Variants in SPAG16 observed in about 807,000 individuals in gnomAD.
SPAG16 encodes sperm associated antigen 16.
Under a neutral mutation model 80.4 loss-of-function variants are expected in SPAG16, and 86 were observed. The observed-to-expected ratio is 1.07, with a 90% CI of 0.90 to 1.28. SPAG16 has a LOEUF of 1.28. SPAG16 is among the 50% of genes most tolerant of loss of function. SPAG16 has a pLI of 0.00. For synonymous variants in SPAG16, 294 were observed against 265.9 expected, an observed-to-expected ratio of 1.11 and a Z score of -1.03; for missense variants, 870 against 765.3, an observed-to-expected ratio of 1.14 and a Z score of -1.61.
chr2:213,720,740 TC>T (rs2066490386), intron 10 of SPAG16, among the ~76,000 whole-genome samples: 2 of 120,684 alleles, frequency 1.7e-5, no homozygotes, highest in Non-Finnish European at 1.6e-5. Context: ...CCGAAGTAAG[TC>T]CTTTTTTTTT....
intron 15 of SPAG16, among the ~76,000 whole-genome samples, chr2:214,160,136 G>A (rs1045221876): frequency 2.0e-5 from 3 of 151,902 alleles, no homozygotes; most frequent in Non-Finnish European, 4.4e-5. Context: ...TGTGTCATCT[G>A]AGTGCTGTTT....
At chr2:214,117,281 TG>T (rs2053978614) in intron 14 of SPAG16, among the ~76,000 whole-genome samples, 1 of 152,008 alleles carries the variant, frequency 6.6e-6, no homozygotes, top group Non-Finnish European at 1.5e-5. Context: ...TTAGTAAGCT[TG>T]GTGACAGGCT....
intron 15 of SPAG16, among the ~76,000 whole-genome samples, chr2:214,235,288 TTAATA>T (rs1348851993): frequency 6.6e-6 from 1 of 152,172 alleles, no homozygotes; most frequent in African/African-American, 2.4e-5. Context: ...CCAAACTTAC[TTAATA>T]TGAGTCCATT....
chr2:214,061,739 A>G (rs2050265144), intron 13 of SPAG16, among the ~76,000 whole-genome samples: 1 of 152,180 alleles, frequency 6.6e-6, no homozygotes, highest in Non-Finnish European at 1.5e-5. Flanking sequence ...AAGTTGACAC[A>G]TAAAATTAAT....
chr2:214,308,084 A>G (rs1451903807), intron 15 of SPAG16, among the ~76,000 whole-genome samples: 2 of 144,614 alleles, frequency 1.4e-5, no homozygotes, highest in Admixed American at 7.1e-5. Flanking sequence ...TGTTGGGTGC[A>G]TATATATTTA....
At chr2:213,785,783 G>A (rs560816469) in intron 10 of SPAG16, among the ~76,000 whole-genome samples, 8 of 152,178 alleles carry the variant, frequency 5.3e-5, no homozygotes, top group East Asian at 1.9e-4. Context: ...TTGGGAGGCC[G>A]AGGCGGGAGG....
At chr2:214,403,152 C>A (rs1409133534) in intron 15 of SPAG16, among the ~76,000 whole-genome samples, 1 of 151,336 alleles carries the variant, frequency 6.6e-6, no homozygotes, top group Non-Finnish European at 1.5e-5. Context: ...AGCTGTGTGG[C>A]CTTGGAGAAG....
At chr2:214,220,739 G>C (rs1307127182) in intron 15 of SPAG16, among the ~76,000 whole-genome samples, 3 of 152,056 alleles carry the variant, frequency 2.0e-5, no homozygotes, top group Non-Finnish European at 4.4e-5. Flanking sequence ...GTATTTATAG[G>C]GATCAATGGA....
chr2:213,928,114 G>T (rs1345496154), intron 11 of SPAG16, among the ~76,000 whole-genome samples: 3 of 152,004 alleles, frequency 2.0e-5, no homozygotes, highest in African/African-American at 4.8e-5. Context: ...TTTTGAGATG[G>T]AGTCGCAGTC....
intron 10 of SPAG16, among the ~76,000 whole-genome samples, chr2:213,774,982 T>A (rs2662683): frequency 0.58 from 87,392 of 151,876 alleles, 25,384 homozygotes; most frequent in Middle Eastern, 0.65. Flanking sequence ...GTGTCTCAGG[T>A]TGGATCTGTC....
At chr2:213,488,311 C>T (rs1445061363) in intron 9 of SPAG16, among the ~76,000 whole-genome samples, 1 of 152,112 alleles carries the variant, frequency 6.6e-6, no homozygotes, top group East Asian at 1.9e-4. Flanking sequence ...TACTACATGA[C>T]TGGCAGCAGT....
intron 10 of SPAG16, among the ~76,000 whole-genome samples, chr2:213,583,511 CAT>C (rs891699180): frequency 3.3e-5 from 5 of 152,050 alleles, no homozygotes; most frequent in Non-Finnish European, 7.4e-5. Flanking sequence ...TTTCCACTCA[CAT>C]GTGTGTATAA....
chr2:214,053,024 A>G (rs1315012804), intron 13 of SPAG16, among the ~76,000 whole-genome samples: 1 of 152,170 alleles, frequency 6.6e-6, no homozygotes, highest in South Asian at 2.1e-4. Flanking sequence ...CCACTACTCA[A>G]ATATTCTGTA....
At chr2:213,968,149 T>C (rs1266060985) in intron 12 of SPAG16, among the ~76,000 whole-genome samples, 1 of 142,028 alleles carries the variant, frequency 7.0e-6, no homozygotes, top group African/African-American at 2.5e-5. Flanking sequence ...CTCTCTTCTC[T>C]TCTCTCCTCT....
intron 15 of SPAG16, among the ~76,000 whole-genome samples, chr2:214,325,948 C>T (rs1427182755): frequency 6.6e-6 from 1 of 152,116 alleles, no homozygotes; most frequent in Admixed American, 6.5e-5. Flanking sequence ...CCTGTTTCTC[C>T]AAAACTAGCC....
chr2:214,136,815 C>G (rs1005483330), intron 14 of SPAG16, among the ~76,000 whole-genome samples: 3 of 152,126 alleles, frequency 2.0e-5, no homozygotes, highest in African/African-American at 7.2e-5. Flanking sequence ...AAGAGACATG[C>G]TAATGTATCA....
rs557205308 is a variant in SPAG16 at position 213,869,240 on chromosome 2, C to T, written c.1214+6612C>T. 3.5e-3 allele frequency among the ~76,000 whole-genome samples: 121 copies of T among 34,916 alleles called. 3 individuals are homozygous for T. In the South Asian group the frequency reaches 0.08, roughly 23 times the overall value. 22.9% of individuals were successfully genotyped at this position (34,916 alleles called of 152,430 possible). A position where few individuals can be genotyped will look rare whatever the true frequency, so the allele number is the denominator to read the frequency against. ...TGAACTCTAGCCTGGGCAACAAGAG[C>T]TAAAGTCCATGTCAAAAAAAAAAAA... On this transcript the variant is annotated intron_variant, in intron 11 of 15. Coordinates refer to ENST00000331683, the MANE Select transcript of SPAG16 (RefSeq NM_024532.5).
At chr2:213,778,296 C>T (rs1460461359) in intron 10 of SPAG16, among the ~76,000 whole-genome samples, 1 of 152,012 alleles carries the variant, frequency 6.6e-6, no homozygotes, top group Non-Finnish European at 1.5e-5. Flanking sequence ...GAAAGTCATA[C>T]CTAGACTTTT....
chr2:214,125,811 T>G (rs1318052043), intron 14 of SPAG16, among the ~76,000 whole-genome samples: 2 of 151,590 alleles, frequency 1.3e-5, no homozygotes, highest in Non-Finnish European at 2.9e-5. Flanking sequence ...TAATCAGGGT[T>G]TTACTTGACA....
Sources: allele counts gnomAD v4.1 joint callset (sites outside exome capture counted in the v4.1 genomes callset), GRCh38; gene constraint gnomAD v4.1.1; transcripts MANE v1.5; gene names NCBI Gene and HGNC (gene_info 2026-07-23, HGNC 2026-07-21).